The following SARNP variants were observed in gnomAD, a reference collection of about 807,000 sequenced individuals.
SARNP encodes SAP domain containing ribonucleoprotein.
A neutral mutation model predicts 38.1 loss-of-function variants in SARNP; 5 were observed. The ratio of observed to expected loss-of-function variants is 0.13; its 90% confidence interval spans 0.07 to 0.28. The LOEUF (loss-of-function observed/expected upper bound fraction) is 0.28. SARNP is among the 10% of genes least tolerant of loss of function. SARNP has a pLI of 1.00. For synonymous variants in SARNP, 84 were observed against 80.6 expected, an observed-to-expected ratio of 1.04 and a Z score of -0.23; for missense variants, 180 against 243.9, an observed-to-expected ratio of 0.74 and a Z score of 1.75.
downstream of SARNP, chr12:55,753,851 G>C (rs1005303760): frequency 2.0e-5 from 3 of 152,174 alleles, no homozygotes; most frequent in East Asian, 5.8e-4. Flanking sequence ...GGAGGCTGTG[G>C]CAGGAGGACC....
At chr12:55,803,357 G>A (rs1880040335) in intron 2 of SARNP, among the ~76,000 whole-genome samples, 1 of 151,802 alleles carries the variant, frequency 6.6e-6, no homozygotes, top group South Asian at 2.1e-4. Context: ...GGTGGTGCTC[G>A]CCTGTAGTCC....
At chr12:55,806,376 G>A (rs1880144588) in intron 1 of SARNP, among the ~76,000 whole-genome samples, 1 of 151,462 alleles carries the variant, frequency 6.6e-6, no homozygotes, top group South Asian at 2.1e-4. Context: ...CCAGGTTCAA[G>A]CAACTGTCCT....
intron 2 of SARNP, 35 bp from the exon 3 acceptor site, chr12:55,800,935 C>A: frequency 6.4e-7 from 1 of 1,557,590 alleles, no homozygotes; most frequent in Non-Finnish European, 8.9e-7. Flanking sequence ...TCAAGCCCTG[C>A]TACAAAACCA....
intron 9 of SARNP, among the ~76,000 whole-genome samples, chr12:55,761,366 A>C (rs1268048801): frequency 2.0e-5 from 3 of 152,186 alleles, no homozygotes; most frequent in African/African-American, 7.2e-5. Flanking sequence ...CACGTTACCA[A>C]GGAAAGAAAG....
chr12:55,781,687 G>T (rs527306416), intron 9 of SARNP, among the ~76,000 whole-genome samples: 15 of 152,208 alleles, frequency 9.9e-5, no homozygotes, highest in Admixed American at 4.6e-4. Flanking sequence ...AGCTATCCAA[G>T]AATATTCTAG....
At chr12:55,807,640 A>T (rs1351888575) in intron 1 of SARNP, among the ~76,000 whole-genome samples, 1 of 149,712 alleles carries the variant, frequency 6.7e-6, no homozygotes, top group Non-Finnish European at 1.5e-5. Context: ...GTCTCTACTA[A>T]AAATACAAAA....
intron 2 of SARNP, among the ~76,000 whole-genome samples, chr12:55,801,635 T>C (rs890151447): frequency 7.9e-5 from 12 of 152,136 alleles, no homozygotes; most frequent in African/African-American, 2.7e-4. Flanking sequence ...TTTGTTTTTG[T>C]TGAGACAGAG....
At chr12:55,809,395 G>A (rs539854023) in intron 1 of SARNP, among the ~76,000 whole-genome samples, 9 of 152,228 alleles carry the variant, frequency 5.9e-5, no homozygotes, top group African/African-American at 2.2e-4. Flanking sequence ...AATGAGCCAT[G>A]ATCATGCCAC....
intron 2 of SARNP, among the ~76,000 whole-genome samples, chr12:55,802,590 T>A (rs1434736001): frequency 6.6e-6 from 1 of 151,902 alleles, no homozygotes; most frequent in Non-Finnish European, 1.5e-5. Flanking sequence ...ATAAATTTTG[T>A]GTTTAGGCTT....
At chr12:55,758,576 C>T (rs2136174507) in intron 10 of SARNP, among the ~76,000 whole-genome samples, 1 of 151,978 alleles carries the variant, frequency 6.6e-6, no homozygotes. Context: ...ACCCGGGAGG[C>T]GGAGGTTGCA....
chr12:55,762,475 T>A (rs975446015), intron 9 of SARNP: 1 of 152,084 alleles, frequency 6.6e-6, no homozygotes, highest in Admixed American at 6.6e-5. Context: ...TTTCTCCATG[T>A]TGGTCAGGCT....
chr12:55,794,226 A>C (rs1879754991), intron 7 of SARNP, 133 bp downstream of exon 7: 3 of 790,458 alleles, frequency 3.8e-6, no homozygotes, highest in Admixed American at 2.4e-5. Flanking sequence ...CTAAAGCAGG[A>C]GATGAATGTT....
rs575583262 is a variant in SARNP, at chr12:55,807,002, G to A, written c.37-3274C>T. Among the ~76,000 whole-genome samples the A allele has an allele frequency of 2.2e-4, 34 of 151,866 alleles. No individual in the cohort carries two copies. The East Asian group carries it at 5.8e-3, about 26-fold the overall frequency. On this transcript the variant is annotated intron_variant, in intron 1 of 10. Coordinates refer to ENST00000336133, the MANE Select transcript of SARNP (RefSeq NM_033082.4). ...AGACAGTGGTCTCGCCATGTTGCCC[G>A]GGCTGAACTTAAACTCTTGAACTCA... is the stretch of plus-strand genomic sequence containing the variant.
At chr12:55,759,419 CTTTT>C (rs781001667) in intron 10 of SARNP, among the ~76,000 whole-genome samples, 2 of 140,948 alleles carry the variant, frequency 1.4e-5, no homozygotes, top group Non-Finnish European at 1.6e-5. Context: ...TTTTTCTTTT[CTTTT>C]TTTTTTTTTT....
In SARNP at chr12:55,757,561, G is replaced by C. The variant is rs1174981871; in HGVS notation, c.592-8C>G. ...TCTTTTCCTCTTCTTTGCCTGTAAA[G>C]AAGAAGCAAGAAGAAAAAAATTAGA... On this transcript the variant is annotated splice_polypyrimidine_tract_variant and splice_region_variant and intron_variant, in intron 10 of 10. Coordinates refer to ENST00000336133, the MANE Select transcript of SARNP (RefSeq NM_033082.4). 1 of 1,579,002 alleles carries C rather than the reference G, an allele frequency of 6.3e-7. No homozygotes were observed. The highest frequency in any genetic ancestry group is 8.6e-7 in the Non-Finnish European group (1 of 1,157,356).
intron 9 of SARNP, 50 bp downstream of exon 9, chr12:55,789,025 T>C: frequency 1.6e-6 from 2 of 1,259,782 alleles, no homozygotes; most frequent in African/African-American, 2.9e-5. Flanking sequence ...GTAGTTCCCA[T>C]AAGCTGCTCT....
chr12:55,812,565 A>T (rs1358897522), intron 1 of SARNP, among the ~76,000 whole-genome samples: 1 of 152,174 alleles, frequency 6.6e-6, no homozygotes, highest in East Asian at 1.9e-4. Flanking sequence ...TGACTACCTG[A>T]CATGTCCAAG....
chr12:55,763,324 T>TTC (rs1555171305), intron 9 of SARNP, among the ~76,000 whole-genome samples: 2 of 148,510 alleles, frequency 1.3e-5, no homozygotes, highest in African/African-American at 2.5e-5. Flanking sequence ...TTTTTTTTTT[T>TTC]CCCCAGAGAC....
chr12:55,779,949 C>A (rs1304163179), intron 9 of SARNP, among the ~76,000 whole-genome samples: 4 of 152,114 alleles, frequency 2.6e-5, no homozygotes, highest in African/African-American at 7.2e-5. Flanking sequence ...GAGTTTGAGA[C>A]CAGCTTGGGT....
Sources: gnomAD v4.1 joint callset for allele counts (sites outside exome capture counted in the v4.1 genomes callset) on GRCh38, gnomAD v4.1.1 for gene constraint, MANE v1.5 for transcripts, NCBI Gene and HGNC (gene_info 2026-07-23, HGNC 2026-07-21) for gene names.